Variants in EPC2 observed in about 807,000 individuals in gnomAD.
The protein encoded by EPC2 is enhancer of polycomb 2, also known as enhancer of polycomb homolog 2.
EPC2 carries 14 observed loss-of-function variants against 92.1 expected under a neutral mutation model. That is an observed-to-expected ratio of 0.15 (90% confidence interval 0.10 to 0.24). The LOEUF is 0.24. Among genes scored for constraint, EPC2 ranks in the 10% least tolerant of loss-of-function variants. EPC2 has a pLI of 1.00. For synonymous variants in EPC2, 340 were observed against 334.7 expected, an observed-to-expected ratio of 1.02 and a Z score of -0.17; for missense variants, 755 against 971.5, an observed-to-expected ratio of 0.78 and a Z score of 2.96.
intron 1 of EPC2, among the ~76,000 whole-genome samples, chr2:148,689,543 A>G (rs770454309): frequency 6.6e-5 from 10 of 152,118 alleles, no homozygotes; most frequent in Non-Finnish European, 1.0e-4. Context: ...GGTGGGTGGC[A>G]TGACACGATT....
intron 2 of EPC2, among the ~76,000 whole-genome samples, chr2:148,711,115 C>G (rs990690915): frequency 6.8e-6 from 1 of 147,400 alleles, no homozygotes; most frequent in African/African-American, 2.5e-5. Context: ...CTTTTTTTTT[C>G]TTCACTTACT....
intron 1 of EPC2, among the ~76,000 whole-genome samples, chr2:148,684,520 A>G (rs1054820669): frequency 6.6e-6 from 1 of 152,224 alleles, no homozygotes; most frequent in Non-Finnish European, 1.5e-5. Flanking sequence ...TGAGGATCCA[A>G]CTTGATTCTT....
intron 3 of EPC2, among the ~76,000 whole-genome samples, chr2:148,744,991 C>CG (rs1240036367): frequency 1.2e-5 from 1 of 84,502 alleles, no homozygotes; most frequent in African/African-American, 3.9e-5. Flanking sequence ...ATCAGTTTGC[C>CG]CCCCCCCCCC....
rs34219179 is a variant in EPC2 at position 148,733,479 on chromosome 2, A to ATTTT, written c.314-10110_314-10107dup. ...CTTTCTCTTTTCTTTCTCTCTCTGG[A>ATTTT]TTTTTTTTTTTTTTTTTTTTTTTTT... On this transcript the variant is annotated intron_variant, in intron 2 of 13. Coordinates refer to ENST00000258484, the MANE Select transcript of EPC2 (RefSeq NM_015630.4). Among the ~76,000 whole-genome samples the ATTTT allele has an allele frequency of 2.2e-4, 6 of 26,680 alleles. 3 individuals are homozygous for ATTTT. Among genetic ancestry groups the ATTTT allele is most frequent in the African/African-American group, 7.8e-4 (6 of 7,708 alleles). 17.5% of individuals were successfully genotyped at this position (26,680 alleles called of 152,430 possible). A position where few individuals can be genotyped will look rare whatever the true frequency, so the allele number is the denominator to read the frequency against.
chr2:148,759,416 A>C (rs1683257946), intron 4 of EPC2, among the ~76,000 whole-genome samples: 1 of 152,204 alleles, frequency 6.6e-6, no homozygotes, highest in Non-Finnish European at 1.5e-5. Context: ...TTATAATAAA[A>C]GTTATTATCT....
chr2:148,745,981 C>T (rs1019666406), intron 3 of EPC2, among the ~76,000 whole-genome samples: 1 of 151,984 alleles, frequency 6.6e-6, no homozygotes, highest in Non-Finnish European at 1.5e-5. Flanking sequence ...GATTTGTGCT[C>T]TCATGTCTTG....
intron 2 of EPC2, among the ~76,000 whole-genome samples, chr2:148,704,246 T>C (rs1681948524): frequency 1.3e-5 from 2 of 152,154 alleles, no homozygotes; most frequent in South Asian, 4.1e-4. Context: ...ATGGTTACAA[T>C]ATGGATGAAA....
intron 2 of EPC2, among the ~76,000 whole-genome samples, chr2:148,696,564 C>A (rs1301044936): frequency 6.6e-6 from 1 of 152,128 alleles, no homozygotes; most frequent in Non-Finnish European, 1.5e-5. Context: ...ATATTTTAGC[C>A]ATGATGTGAT....
At position 148,764,984 on chromosome 2, in the gene EPC2, G is replaced by T. The variant is rs1683380505; in HGVS notation, c.978G>T (p.Glu326Asp). Residue 326 changes from glutamate to aspartate, a missense_variant, in exon 7 of 14, where the codon GAG becomes GAT. By Grantham distance (45) the Glu-to-Asp change is conservative. This residue lies in a region of EPC2 where 509 missense variants were observed against 607.7 expected (regional missense o/e 0.84). Transcript: ENST00000258484. ...KHPHHLSLKE[E>D]ASDVVRQKKK... Reference sequence around the variant, plus strand: ...CTCATCATTTGTCTTTGAAAGAAGAGGCTTCTGATGTGGTTCGTCAAAAGA... The same window carrying T: ...CTCATCATTTGTCTTTGAAAGAAGATGCTTCTGATGTGGTTCGTCAAAAGA... 3.8e-6 allele frequency: 6 copies of T among 1,582,590 alleles called. No individual in the cohort carries two copies. The East Asian group carries it at 1.4e-4, about 36-fold the overall frequency.
At chr2:148,773,302 T>G (rs1338236200) in intron 10 of EPC2, among the ~76,000 whole-genome samples, 1 of 152,106 alleles carries the variant, frequency 6.6e-6, no homozygotes. Flanking sequence ...GGAATTTAAG[T>G]CACAAGTAAT....
intron 7 of EPC2, among the ~76,000 whole-genome samples, chr2:148,766,660 C>T (rs943463797): frequency 2.2e-4 from 34 of 152,116 alleles, no homozygotes; most frequent in African/African-American, 5.1e-4. Context: ...CTAGCAGTTT[C>T]GCATTGCTGG....
intron 1 of EPC2, among the ~76,000 whole-genome samples, chr2:148,650,242 C>G (rs973990843): frequency 2.0e-5 from 3 of 151,994 alleles, no homozygotes; most frequent in Non-Finnish European, 4.4e-5. Flanking sequence ...TTTTCTGTTC[C>G]AAGAGCTATA....
chr2:148,645,271 C>A, intron 1 of EPC2, 101 bp downstream of exon 1: 1 of 1,058,806 alleles, frequency 9.4e-7, no homozygotes, highest in Non-Finnish European at 1.4e-6. Flanking sequence ...CGCTGGAGGG[C>A]GCCGCTGCCG....
At chr2:148,761,972 C>G in intron 5 of EPC2, 42 bp downstream of exon 5, 1 of 1,510,142 alleles carries the variant, frequency 6.6e-7, no homozygotes, top group Non-Finnish European at 8.8e-7. Context: ...ACAACTTTAC[C>G]AAATGATGGG....
intron 2 of EPC2, among the ~76,000 whole-genome samples, chr2:148,711,102 CCT>C (rs909009400): frequency 2.6e-5 from 4 of 151,370 alleles, no homozygotes; most frequent in Admixed American, 6.6e-5. Context: ...ATTAATTTCT[CCT>C]CTTTTTTTTT....
intron 9 of EPC2, 34 bp from the exon 10 acceptor site, chr2:148,771,010 C>G (rs1479091675): frequency 6.3e-7 from 1 of 1,593,002 alleles, no homozygotes; most frequent in African/African-American, 1.4e-5. Context: ...GTTCAGCTCT[C>G]TCAGTTAATA....
chr2:148,692,838 GT>G (rs1328082608), intron 2 of EPC2: 4 of 151,928 alleles, frequency 2.6e-5, no homozygotes, highest in African/African-American at 4.8e-5. Context: ...TCTTGTGTTG[GT>G]TTTTTTCATT....
intron 4 of EPC2, among the ~76,000 whole-genome samples, chr2:148,758,818 A>G (rs551800199): frequency 2.0e-5 from 3 of 152,212 alleles, no homozygotes; most frequent in Non-Finnish European, 2.9e-5. Context: ...TCTAACTCCT[A>G]ATATGACATG....
At chr2:148,761,225 G>T (rs1009725020) in intron 4 of EPC2, among the ~76,000 whole-genome samples, 23 of 152,226 alleles carry the variant, frequency 1.5e-4, no homozygotes, top group African/African-American at 5.3e-4. Context: ...ATTGAAAATT[G>T]ACAGTCCGAT....
Sources: gnomAD v4.1 joint callset for allele counts (sites outside exome capture counted in the v4.1 genomes callset) on GRCh38, gnomAD v4.1.1 for gene constraint, gnomAD v4.1.1 regional missense constraint, MANE v1.5 for transcripts, NCBI Gene and HGNC (gene_info 2026-07-23, HGNC 2026-07-21) for gene names.